Variants in ABCC1 observed in about 807,000 individuals in gnomAD.
ABCC1 encodes multidrug resistance-associated protein 1.
A neutral mutation model predicts 172.9 loss-of-function variants in ABCC1; 83 were observed. The observed-to-expected ratio is 0.48, with a 90% confidence interval of 0.40 to 0.58. ABCC1 has a LOEUF of 0.58. Ranked by LOEUF, ABCC1 falls within the 20% of genes least tolerant of loss-of-function variation. ABCC1 has a pLI of 0.00. For synonymous variants in ABCC1, 937 were observed against 825.2 expected (o/e 1.14, Z -2.32); for missense variants, 1,817 against 2,002.7 (o/e 0.91, Z 1.77).
At chr16:16,132,445 A>T (rs2045722376) in intron 27 of ABCC1, among the ~76,000 whole-genome samples, 1 of 143,682 alleles carries the variant, frequency 7.0e-6, no homozygotes, top group Non-Finnish European at 1.5e-5. Context: ...AAGTGCTGGG[A>T]TTACAGGAAT....
At chr16:16,014,841 C>T (rs1167423712) in intron 4 of ABCC1, among the ~76,000 whole-genome samples, 1 of 152,174 alleles carries the variant, frequency 6.6e-6, no homozygotes, top group Non-Finnish European at 1.5e-5. Flanking sequence ...TCCCCAGGGC[C>T]TGATTTGTCT....
At chr16:16,086,703 A>T in intron 17 of ABCC1, 121 bp from the exon 18 acceptor site, 1 of 1,056,514 alleles carries the variant, frequency 9.5e-7, no homozygotes, top group East Asian at 2.4e-5. Flanking sequence ...CCCTGGTCTC[A>T]AGCAGTCCTT....
At chr16:16,110,204 G>A (rs946062130) in intron 21 of ABCC1, among the ~76,000 whole-genome samples, 2 of 151,288 alleles carry the variant, frequency 1.3e-5, no homozygotes, top group Non-Finnish European at 2.9e-5. Flanking sequence ...GGCTTCAAGC[G>A]ACCCTTGTGC....
At position 16,102,553 on chromosome 16, in the gene ABCC1, C is replaced by T. The variant is rs149067602; in HGVS notation, c.2645-74C>T. ...TCTGTGGTCTCCTCACTGAAGTGGC[C>T]GGTTTTTGTTGCCCTTGGTTTTAGC... On this transcript the variant is annotated intron_variant, in intron 19 of 30. Transcript: ENST00000399410. The T allele has an allele frequency of 9.2e-5, 130 of 1,407,804 alleles. 1 individual carries two copies. Among genetic ancestry groups the T allele is most frequent in the South Asian group, 7.3e-4 (59 of 80,426 alleles). 87.2% of individuals were successfully genotyped at this position (1,407,804 alleles called of 1,614,324 possible).
intron 19 of ABCC1, among the ~76,000 whole-genome samples, chr16:16,100,065 G>A (rs1231076817): frequency 6.6e-6 from 1 of 152,060 alleles, no homozygotes; most frequent in Non-Finnish European, 1.5e-5. Flanking sequence ...CAGCCTGGGC[G>A]ACAGAGAAGA....
At chr16:16,071,293 T>G (rs917564216) in intron 13 of ABCC1, among the ~76,000 whole-genome samples, 1 of 151,276 alleles carries the variant, frequency 6.6e-6, no homozygotes, top group Non-Finnish European at 1.5e-5. Context: ...AGGCGGGGTT[T>G]CACCATGTTG....
rs2045412769 is a variant in ABCC1, at chr16:16,125,903, G to C, written c.3811G>C (p.Glu1271Gln). Residue 1271 changes from glutamate to glutamine, a missense_variant, in exon 26 of 31, where the codon GAG becomes CAG. By Grantham distance (29) the Glu-to-Gln change is conservative. Coordinates refer to ENST00000399410, the MANE Select transcript of ABCC1 (RefSeq NM_004996.4). ...GAGGCTCAAGGAGTATTCAGAGACT[G>C]AGAAGGAGGTAGGCAAGGGCCCCTG... Reference protein sequence around the residue: ...VERLKEYSETEKEAPWQIQET... With the variant: ...VERLKEYSETQKEAPWQIQET... 4 of 1,613,738 alleles carry C rather than the reference G, an allele frequency of 2.5e-6. No homozygotes were observed. The African/African-American group carries it at 4.0e-5, about 16-fold the overall frequency.
chr16:15,962,997 C>T (rs1263393703), intron 1 of ABCC1, among the ~76,000 whole-genome samples: 2 of 152,232 alleles, frequency 1.3e-5, no homozygotes, highest in Non-Finnish European at 2.9e-5. Context: ...TAGTCTCTTT[C>T]ACCTATCAGC....
At chr16:16,134,591 G>T in intron 28 of ABCC1, 83 bp downstream of exon 28, 3 of 1,371,894 alleles carry the variant, frequency 2.2e-6, no homozygotes, top group South Asian at 1.3e-5. Flanking sequence ...GTATATTTTT[G>T]GGGCAAACAT....
At chr16:16,049,315 T>C (rs926068111) in intron 10 of ABCC1, among the ~76,000 whole-genome samples, 2 of 152,148 alleles carry the variant, frequency 1.3e-5, no homozygotes, top group African/African-American at 4.8e-5. Context: ...CGTGAACCAA[T>C]CACTGTGGCC....
rs1273811311 is a variant in ABCC1 at position 16,079,475 on chromosome 16, C to G, written c.2112C>G (p.Ile704Met). 6.2e-7 allele frequency: 1 copy of G among 1,611,680 alleles called. No homozygotes were observed. Among genetic ancestry groups the G allele is most frequent in the Admixed American group, 1.7e-5 (1 of 59,972 alleles). The change falls in exon 16 of 31, where the codon ATC becomes ATG. Residue 704 changes from isoleucine (I) to methionine (M), a missense_variant. This residue lies in a region of ABCC1 where 1,412 missense variants were observed against 1,600.3 expected (regional missense o/e 0.88). Coordinates refer to ENST00000399410, the MANE Select transcript of ABCC1 (RefSeq NM_004996.4). ...EMDKVEGHVA[I>M]KGSVAYVPQQ... ...ACAAAGTGGAGGGGCACGTGGCTAT[C>G]AAGGTAGGATGAGGACCAGCGGGGA...
chr16:16,136,400 A>T, intron 28 of ABCC1, 78 bp from the exon 29 acceptor site: 1 of 1,521,966 alleles, frequency 6.6e-7, no homozygotes. Flanking sequence ...AGTCCTGGCC[A>T]GAAGTCCTTA....
At chr16:15,996,318 C>A (rs964377606) in intron 1 of ABCC1, among the ~76,000 whole-genome samples, 2 of 152,150 alleles carry the variant, frequency 1.3e-5, no homozygotes, top group African/African-American at 4.8e-5. Context: ...GAGATACAGT[C>A]TCACTGTGTT....
At chr16:16,137,199 C>A (rs1261297354) in intron 29 of ABCC1, among the ~76,000 whole-genome samples, 1 of 152,130 alleles carries the variant, frequency 6.6e-6, no homozygotes, top group Non-Finnish European at 1.5e-5. Context: ...TGCTGCCATA[C>A]GAGGGCAGTC....
intron 1 of ABCC1, 77 bp downstream of exon 1, chr16:15,949,876 G>A: frequency 1.8e-6 from 2 of 1,132,304 alleles, no homozygotes; most frequent in East Asian, 3.8e-5. Flanking sequence ...GCCCGCAGCC[G>A]CCCGGGGCAC....
At chr16:16,109,796 T>C (rs954025860) in intron 21 of ABCC1, among the ~76,000 whole-genome samples, 1 of 152,156 alleles carries the variant, frequency 6.6e-6, no homozygotes, top group African/African-American at 2.4e-5. Context: ...CCAGTTGTGG[T>C]GTTGAGGTGA....
At chr16:16,106,965 A>G in intron 21 of ABCC1, 92 bp downstream of exon 21, 1 of 1,526,848 alleles carries the variant, frequency 6.5e-7, no homozygotes, top group Non-Finnish European at 8.9e-7. Flanking sequence ...TGTCTATGTT[A>G]ACTCACCTGT....
intron 14 of ABCC1, 53 bp from the exon 15 acceptor site, chr16:16,076,273 C>T (rs1030497286): frequency 6.5e-6 from 10 of 1,544,068 alleles, no homozygotes; most frequent in East Asian, 2.3e-5. Context: ...GTGTTCTGTG[C>T]ATGTGGAGTC....
At chr16:15,993,726 A>G (rs2151642377) in intron 1 of ABCC1, among the ~76,000 whole-genome samples, 1 of 105,992 alleles carries the variant, frequency 9.4e-6, no homozygotes, top group South Asian at 3.5e-4. Flanking sequence ...TGTTTTGTTA[A>G]CCACTACCCT....
Sources: gnomAD v4.1 joint callset for allele counts (sites outside exome capture counted in the v4.1 genomes callset) on GRCh38, gnomAD v4.1.1 for gene constraint, gnomAD v4.1.1 regional missense constraint, MANE v1.5 for transcripts, NCBI Gene and HGNC (gene_info 2026-07-23, HGNC 2026-07-21) for gene names.